FNDC3A: variants seen among roughly 807,000 people sequenced by gnomAD.
FNDC3A encodes fibronectin type-III domain-containing protein 3A.
In FNDC3A, 32 loss-of-function variants were observed where a neutral mutation model predicts 148.9. The ratio of observed to expected loss-of-function variants is 0.21; its 90% CI spans 0.16 to 0.29. The LOEUF (loss-of-function observed/expected upper bound fraction) is 0.29. Among genes scored for constraint, FNDC3A ranks in the 10% least tolerant of loss-of-function variants. The probability of loss-of-function intolerance (pLI) is 1.00; values close to 1 mark genes in which losing one functional copy is unlikely to be tolerated. For missense variants in FNDC3A, 1,191 were observed against 1,452.8 expected (o/e 0.82, Z 2.93); for synonymous variants, 472 against 473.6 (o/e 1.00, Z 0.04).
At chr13:49,180,106 A>G (rs1366722461) in intron 14 of FNDC3A, among the ~76,000 whole-genome samples, 1 of 152,224 alleles carries the variant, frequency 6.6e-6, no homozygotes, top group African/African-American at 2.4e-5. Flanking sequence ...TCATGAGTTC[A>G]CACCAGATAC....
At chr13:49,203,774 C>T (rs185917799) in intron 25 of FNDC3A, among the ~76,000 whole-genome samples, 75 of 152,210 alleles carry the variant, frequency 4.9e-4, no homozygotes, top group South Asian at 2.1e-3. Flanking sequence ...AGAAGATACG[C>T]TGAGGCAGGA....
chr13:49,196,942 C>T lies in FNDC3A; in HGVS notation c.2292C>T (p.Pro764=), dbSNP rs544384951. Reference sequence around the variant, plus strand: ...CTGGGCCACCAGATCAGTGCAAGCCCCCTCAAGTGACATGTAGATCTGCAA... The same window carrying T: ...CTGGGCCACCAGATCAGTGCAAGCCTCCTCAAGTGACATGTAGATCTGCAA... ...TAPGPPDQCK[P]PQVTCRSATC... The change falls in exon 20 of 26, where the codon CCC becomes CCT. Residue 764 remains proline (P), a synonymous_variant. Transcript: ENST00000492622. 1 of 1,612,504 alleles carries T rather than the reference C, an allele frequency of 6.2e-7. No individual in the cohort carries two copies. Among genetic ancestry groups the T allele is most frequent in the African/African-American group, 1.3e-5 (1 of 74,938 alleles).
chr13:49,094,481 T>C (rs1277849221), intron 3 of FNDC3A, among the ~76,000 whole-genome samples: 1 of 152,114 alleles, frequency 6.6e-6, no homozygotes, highest in Admixed American at 6.6e-5. Flanking sequence ...ATGTAGAAGA[T>C]AGAGTTGAAT....
intron 2 of FNDC3A, among the ~76,000 whole-genome samples, chr13:49,074,956 A>C (rs557946035): frequency 6.6e-6 from 1 of 152,228 alleles, no homozygotes; most frequent in African/African-American, 2.4e-5. Context: ...TTAGAAAAAC[A>C]TGATACTTAG....
intron 2 of FNDC3A, among the ~76,000 whole-genome samples, chr13:49,049,348 T>C (rs1875653160): frequency 6.6e-6 from 1 of 152,172 alleles, no homozygotes; most frequent in Admixed American, 6.5e-5. Context: ...GGATTCCCCC[T>C]TTCTCTTTCT....
intron 2 of FNDC3A, among the ~76,000 whole-genome samples, chr13:49,017,043 AGGTGT>A (rs1872851396): frequency 6.6e-6 from 1 of 151,860 alleles, no homozygotes. Flanking sequence ...ATTTTGGAAT[AGGTGT>A]GGTGTGGTGC....
At chr13:49,180,164 C>T (rs772157281) in intron 14 of FNDC3A, among the ~76,000 whole-genome samples, 13 of 152,130 alleles carry the variant, frequency 8.5e-5, no homozygotes, top group Non-Finnish European at 1.8e-4. Context: ...TTTCCCCTGT[C>T]CTTATTTCTA....
chr13:49,104,562 G>GAAAAA (rs571118510), intron 3 of FNDC3A, among the ~76,000 whole-genome samples: 104 of 152,120 alleles, frequency 6.8e-4, no homozygotes, highest in African/African-American at 2.3e-3. Context: ...GAAAAGAAAA[G>GAAAAA]AAATGTGATT....
chr13:49,035,498 A>G (rs184448028), intron 2 of FNDC3A, among the ~76,000 whole-genome samples: 1 of 152,174 alleles, frequency 6.6e-6, no homozygotes, highest in South Asian at 2.1e-4. Context: ...CTGCATACCT[A>G]TTAAGTAATA....
At chr13:48,994,148 C>T (rs900491267) in intron 1 of FNDC3A, among the ~76,000 whole-genome samples, 1 of 151,860 alleles carries the variant, frequency 6.6e-6, no homozygotes, top group Non-Finnish European at 1.5e-5. Context: ...CTTTTAAGGA[C>T]TGATATAAAT....
intron 8 of FNDC3A, among the ~76,000 whole-genome samples, chr13:49,149,916 G>A (rs888126099): frequency 2.0e-5 from 3 of 152,138 alleles, no homozygotes; most frequent in Non-Finnish European, 4.4e-5. Context: ...AATCTTGGTA[G>A]GTAGTATGTA....
At chr13:49,147,244 G>A (rs1883047116) in intron 8 of FNDC3A, among the ~76,000 whole-genome samples, 2 of 152,140 alleles carry the variant, frequency 1.3e-5, no homozygotes, top group South Asian at 4.1e-4. Flanking sequence ...TTACTAAGAG[G>A]AATGCTTTAT....
At chr13:48,976,873 T>A (rs1162057239) in intron 1 of FNDC3A, 1 of 152,216 alleles carries the variant, frequency 6.6e-6, no homozygotes, top group Non-Finnish European at 1.5e-5. Flanking sequence ...ACAACCTGGA[T>A]CTTCGAACTT....
intron 25 of FNDC3A, among the ~76,000 whole-genome samples, chr13:49,206,581 T>C (rs1416982702): frequency 6.6e-6 from 1 of 152,218 alleles, no homozygotes; most frequent in Non-Finnish European, 1.5e-5. Context: ...CTCCCCTCTC[T>C]GGTTTATACA....
intron 1 of FNDC3A, among the ~76,000 whole-genome samples, chr13:48,998,423 A>C (rs1459983562): frequency 6.6e-6 from 1 of 152,210 alleles, no homozygotes; most frequent in Non-Finnish European, 1.5e-5. Flanking sequence ...ACTTTGTCTC[A>C]TGCACAAAAT....
chr13:49,197,794 C>G lies in FNDC3A; in HGVS notation c.2410C>G (p.Gln804Glu). Residue 804 changes from glutamine (Q) to glutamate (E), a missense_variant, in exon 21 of 26, where the codon CAG becomes GAG. Physicochemically the swap from Gln to Glu is conservative, Grantham distance 29 (BLOSUM62 2). Coordinates refer to ENST00000492622, the MANE Select transcript of FNDC3A (RefSeq NM_001079673.2). ...GTGGGGAGGAGTTGAAGGAAGTATG[C>G]AGATATGTTACTGTGGGCCTGGTCT... ...LEWGGVEGSM[Q>E]ICYCGPGLSY... The G allele has an allele frequency of 6.2e-7, 1 of 1,610,852 alleles. No individual in the cohort carries two copies. The highest frequency in any genetic ancestry group is 8.5e-7 in the Non-Finnish European group (1 of 1,179,138).
At chr13:49,127,133 G>A (rs1393709813) in intron 4 of FNDC3A, among the ~76,000 whole-genome samples, 2 of 152,030 alleles carry the variant, frequency 1.3e-5, no homozygotes, top group Non-Finnish European at 2.9e-5. Context: ...TCCCCCACTG[G>A]GATACTGGAA....
chr13:49,123,322 C>A (rs1308782934), intron 4 of FNDC3A, among the ~76,000 whole-genome samples: 1 of 152,140 alleles, frequency 6.6e-6, no homozygotes, highest in African/African-American at 2.4e-5. Context: ...TGGACCCTTT[C>A]CTTACACTTT....
chr13:49,164,207 A>C (rs1339009429), intron 8 of FNDC3A, among the ~76,000 whole-genome samples: 1 of 152,218 alleles, frequency 6.6e-6, no homozygotes, highest in Non-Finnish European at 1.5e-5. Context: ...CTTTGAATAC[A>C]TCATCCCATT....
Sources: allele counts gnomAD v4.1 joint callset (sites outside exome capture counted in the v4.1 genomes callset), GRCh38; gene constraint gnomAD v4.1.1; transcripts MANE v1.5; gene names NCBI Gene and HGNC (gene_info 2026-07-23, HGNC 2026-07-21).